Variants in CADM1 observed in about 807,000 individuals in gnomAD.
CADM1 encodes TSLC-1.
In CADM1, 15 loss-of-function variants were observed where a neutral mutation model predicts 53.1. The ratio of observed to expected loss-of-function variants is 0.28; its 90% CI spans 0.19 to 0.44. The LOEUF is 0.44. CADM1 is among the 20% of genes least tolerant of loss of function. CADM1 has a pLI of 1.00. For synonymous variants in CADM1, 281 were observed against 243.0 expected, an observed-to-expected ratio of 1.16 and a Z score of -1.45; for missense variants, 434 against 611.3, an observed-to-expected ratio of 0.71 and a Z score of 3.06.
intron 1 of CADM1, among the ~76,000 whole-genome samples, chr11:115,469,258 A>C (rs1040869917): frequency 6.6e-6 from 1 of 152,236 alleles, no homozygotes; most frequent in Admixed American, 6.5e-5. Context: ...AAAAATAATA[A>C]TAGCTGACAT....
At chr11:115,331,942 T>TA (rs1945140911) in intron 1 of CADM1, among the ~76,000 whole-genome samples, 1 of 151,678 alleles carries the variant, frequency 6.6e-6, no homozygotes. Flanking sequence ...AAGGATCTGA[T>TA]AGATTTCTTT....
chr11:115,196,780 TA>T (rs1940179375), intron 9 of CADM1, among the ~76,000 whole-genome samples: 1 of 152,054 alleles, frequency 6.6e-6, no homozygotes, highest in African/African-American at 2.4e-5. Flanking sequence ...TAAAGTATCT[TA>T]AAAAGAAACT....
intron 1 of CADM1, among the ~76,000 whole-genome samples, chr11:115,261,307 C>G (rs1942967179): frequency 1.3e-5 from 2 of 152,210 alleles, no homozygotes; most frequent in Non-Finnish European, 2.9e-5. Flanking sequence ...ATTAGAGCAT[C>G]TGTTACTGAA....
intron 5 of CADM1, among the ~76,000 whole-genome samples, chr11:115,224,648 G>T (rs941289907): frequency 6.6e-6 from 1 of 152,156 alleles, no homozygotes; most frequent in East Asian, 1.9e-4. Flanking sequence ...CCCCAGTCCA[G>T]AGGAAGGCTT....
At chr11:115,402,538 CA>C (rs1947187697) in intron 1 of CADM1, among the ~76,000 whole-genome samples, 1 of 151,820 alleles carries the variant, frequency 6.6e-6, no homozygotes, top group South Asian at 2.1e-4. Flanking sequence ...CAAAACAAAA[CA>C]AAACAAAACA....
chr11:115,425,453 A>C (rs1947865885), intron 1 of CADM1, among the ~76,000 whole-genome samples: 2 of 152,224 alleles, frequency 1.3e-5, no homozygotes, highest in African/African-American at 4.8e-5. Context: ...ACAACAGATA[A>C]GCACCTCATT....
chr11:115,312,775 T>C (rs1272439696), intron 1 of CADM1, among the ~76,000 whole-genome samples: 3 of 152,050 alleles, frequency 2.0e-5, no homozygotes, highest in Non-Finnish European at 2.9e-5. Flanking sequence ...ATAGAATATA[T>C]TGCATAGCAA....
intron 1 of CADM1, among the ~76,000 whole-genome samples, chr11:115,437,833 T>C (rs944410098): frequency 3.3e-5 from 5 of 152,144 alleles, no homozygotes; most frequent in Admixed American, 6.5e-5. Flanking sequence ...ACCCAGCTCA[T>C]TATCAAGGCA....
intron 3 of CADM1, among the ~76,000 whole-genome samples, chr11:115,233,877 G>C (rs768906910): frequency 6.6e-6 from 1 of 152,220 alleles, no homozygotes. Flanking sequence ...GTGACAAAGA[G>C]GGCAAATGGC....
chr11:115,271,396 C>T (rs1417835127), intron 1 of CADM1, among the ~76,000 whole-genome samples: 1 of 152,134 alleles, frequency 6.6e-6, no homozygotes, highest in Non-Finnish European at 1.5e-5. Flanking sequence ...CACTCTCCTG[C>T]CTCAGCCTCC....
chr11:115,324,775 C>T lies in CADM1; in HGVS notation c.125-84355G>A, dbSNP rs182338127. Reference sequence around the variant, plus strand: ...TGTGCTTCCTGTTTCCTGTAGGTGGCGACAAACTCCTTGAAGAGGAAACAG... The same window carrying T: ...TGTGCTTCCTGTTTCCTGTAGGTGGTGACAAACTCCTTGAAGAGGAAACAG... On this transcript the variant is annotated intron_variant, in intron 1 of 11. Transcript: ENST00000331581. Among the ~76,000 whole-genome samples, 16 of 152,122 alleles carry T rather than the reference C, an allele frequency of 1.1e-4. No individual in the cohort carries two copies. In the East Asian group the frequency reaches 3.1e-3, roughly 29 times the overall value.
chr11:115,400,911 A>G (rs572673594), intron 1 of CADM1, among the ~76,000 whole-genome samples: 1 of 151,864 alleles, frequency 6.6e-6, no homozygotes, highest in East Asian at 1.9e-4. Context: ...GCAAAATAGT[A>G]CAGCCACTTT....
chr11:115,248,527 T>C (rs1942484412), intron 1 of CADM1, among the ~76,000 whole-genome samples: 1 of 152,182 alleles, frequency 6.6e-6, no homozygotes, highest in African/African-American at 2.4e-5. Context: ...CCATTAAAAT[T>C]CACTTATCAA....
intron 1 of CADM1, among the ~76,000 whole-genome samples, chr11:115,271,309 G>T (rs1458186906): frequency 1.3e-5 from 2 of 152,082 alleles, no homozygotes; most frequent in Non-Finnish European, 2.9e-5. Context: ...TTGAGACAGA[G>T]TGTCACTCTG....
intron 1 of CADM1, among the ~76,000 whole-genome samples, chr11:115,266,385 C>T (rs1943141464): frequency 6.6e-6 from 1 of 152,226 alleles, no homozygotes; most frequent in Non-Finnish European, 1.5e-5. Flanking sequence ...GTGCAGCACT[C>T]CTGTGCTACT....
intron 1 of CADM1, among the ~76,000 whole-genome samples, chr11:115,285,332 T>C (rs577553994): frequency 6.6e-6 from 1 of 152,374 alleles, no homozygotes; most frequent in Admixed American, 6.5e-5. Context: ...AACTTCGTTG[T>C]GTACCTACTC....
intron 1 of CADM1, among the ~76,000 whole-genome samples, chr11:115,452,872 AG>A (rs1439825731): frequency 6.6e-6 from 1 of 152,208 alleles, no homozygotes; most frequent in Non-Finnish European, 1.5e-5. Flanking sequence ...ATAATTTTTA[AG>A]GAGAAAGGGT....
chr11:115,225,854 C>G (rs1941586089), intron 5 of CADM1, among the ~76,000 whole-genome samples: 1 of 151,968 alleles, frequency 6.6e-6, no homozygotes, highest in African/African-American at 2.4e-5. Context: ...AATCCATGAT[C>G]TGTCATTTAA....
At chr11:115,396,030 C>A (rs1359584865) in intron 1 of CADM1, among the ~76,000 whole-genome samples, 10 of 152,132 alleles carry the variant, frequency 6.6e-5, no homozygotes, top group African/African-American at 2.4e-4. Context: ...AATCTCTCAT[C>A]CCTAGGAAAG....
Sources: allele counts gnomAD v4.1 joint callset (sites outside exome capture counted in the v4.1 genomes callset), GRCh38; gene constraint gnomAD v4.1.1; transcripts MANE v1.5; gene names NCBI Gene and HGNC (gene_info 2026-07-23, HGNC 2026-07-21).